SGCZ: variants seen among roughly 807,000 people sequenced by gnomAD.
SGCZ encodes the protein zeta-sarcoglycan.
In SGCZ, 40 loss-of-function variants were observed where a neutral mutation model predicts 41.3. That is an observed-to-expected ratio of 0.97 (90% CI 0.75 to 1.26). The LOEUF is 1.26. SGCZ is among the 50% of genes most tolerant of loss of function. SGCZ has a pLI of 0.00. For missense variants in SGCZ, 552 were observed against 369.8 expected, an observed-to-expected ratio of 1.49 and a Z score of -4.04; for synonymous variants, 206 against 137.5, an observed-to-expected ratio of 1.50 and a Z score of -3.49.
intron 1 of SGCZ, among the ~76,000 whole-genome samples, chr8:14,702,838 TAGATAGATAGATA>T (rs1181056778): frequency 0.032 from 3,216 of 99,994 alleles, 71 homozygotes; most frequent in South Asian, 0.082. Context: ...GATAGATAGA[TAGATAGATAGATA>T]GATAGATAGA....
At chr8:14,309,387 G>A (rs772188800) in intron 3 of SGCZ, 32 of 1,605,426 alleles carry the variant, frequency 2.0e-5, no homozygotes, top group Non-Finnish European at 2.5e-5. Flanking sequence ...CAGCAGAGAC[G>A]AAGTGACCTC....
intron 3 of SGCZ, among the ~76,000 whole-genome samples, chr8:14,239,018 GAA>G (rs202102498): frequency 8.0e-5 from 12 of 149,392 alleles, no homozygotes; most frequent in Non-Finnish European, 1.6e-4. Context: ...AGATTTAAAA[GAA>G]AAAAAAGTCT....
intron 1 of SGCZ, among the ~76,000 whole-genome samples, chr8:15,075,303 G>A (rs1805490854): frequency 6.6e-6 from 1 of 151,992 alleles, no homozygotes; most frequent in African/African-American, 2.4e-5. Flanking sequence ...CAGATTTAGA[G>A]TGAATCTAAA....
chr8:14,441,031 T>A (rs1315453468), intron 2 of SGCZ, among the ~76,000 whole-genome samples: 1 of 152,142 alleles, frequency 6.6e-6, no homozygotes, highest in Non-Finnish European at 1.5e-5. Context: ...GTATGATTTA[T>A]CATTTTTTTC....
intron 4 of SGCZ, among the ~76,000 whole-genome samples, chr8:14,192,773 A>G (rs185589291): frequency 6.6e-6 from 1 of 152,044 alleles, no homozygotes; most frequent in East Asian, 1.9e-4. Context: ...GAAAGTTTTC[A>G]TGGCCACGTT....
intron 1 of SGCZ, among the ~76,000 whole-genome samples, chr8:15,133,420 A>G (rs900310140): frequency 6.6e-6 from 1 of 152,186 alleles, no homozygotes; most frequent in African/African-American, 2.4e-5. Flanking sequence ...TCATGATTTC[A>G]TAGCCCTCAG....
intron 4 of SGCZ, among the ~76,000 whole-genome samples, chr8:14,217,704 A>C (rs553693535): frequency 7.4e-6 from 1 of 134,326 alleles, no homozygotes; most frequent in African/African-American, 2.8e-5. Flanking sequence ...ATCTCGGCTC[A>C]CTGCAACGTC....
intron 1 of SGCZ, among the ~76,000 whole-genome samples, chr8:15,165,878 G>A (rs563430686): frequency 1.3e-5 from 2 of 152,324 alleles, no homozygotes; most frequent in Admixed American, 6.5e-5. Flanking sequence ...TGGTTTTTCT[G>A]TAAATTGAGC....
chr8:14,541,816 T>C (rs1803477553), intron 2 of SGCZ, among the ~76,000 whole-genome samples: 1 of 152,134 alleles, frequency 6.6e-6, no homozygotes, highest in Non-Finnish European at 1.5e-5. Context: ...TTTTTAATGA[T>C]TGTCATTCTA....
intron 1 of SGCZ, among the ~76,000 whole-genome samples, chr8:15,164,026 C>T (rs962720215): frequency 1.3e-5 from 2 of 152,222 alleles, no homozygotes; most frequent in African/African-American, 4.8e-5. Context: ...GGGAAGCGCT[C>T]TAGCAGGGAC....
chr8:14,090,250 C>T lies in SGCZ; in HGVS notation c.*193G>A, dbSNP rs936043718. ...GACGACGCTTTTTCCACTGCTGTGT[C>T]AATCACACCCTCTGTGTTGAGCAGT... On this transcript the variant is annotated 3_prime_UTR_variant, in exon 8 of 8. Coordinates refer to ENST00000382080, the MANE Select transcript of SGCZ (RefSeq NM_139167.4). The T allele has an allele frequency of 1.9e-5, 9 of 465,004 alleles. No homozygotes were observed. Among genetic ancestry groups the T allele is most frequent in the Non-Finnish European group, 3.3e-5 (9 of 274,010 alleles). The allele number at this position is 465,004 out of a possible 1,614,324, so 28.8% of individuals were successfully genotyped here.
rs1408574493 is a variant in SGCZ at position 14,784,913 on chromosome 8, A to AAAAT, written c.40-229988_40-229987insATTT. Among the ~76,000 whole-genome samples the AAAAT allele has an allele frequency of 1.6e-3, 137 of 88,010 alleles. 4 individuals carry two copies. The highest frequency in any genetic ancestry group is 0.012 in the Middle Eastern group (2 of 162). 57.7% of individuals were successfully genotyped at this position (88,010 alleles called of 152,430 possible). A position where few individuals can be genotyped will look rare whatever the true frequency, so the allele number is the denominator to read the frequency against. Reference sequence around the variant, plus strand: ...GTGAAACTCTGCCTCAAAAAAAAAAAATATATATATATATATATATAAAAT... The same window carrying AAAAT: ...GTGAAACTCTGCCTCAAAAAAAAAAAAAATATATATATATATATATATATAAAAT... On this transcript the variant is annotated intron_variant, in intron 1 of 7. Coordinates refer to ENST00000382080, the MANE Select transcript of SGCZ (RefSeq NM_139167.4).
At chr8:15,179,822 C>T (rs1800112901) in intron 1 of SGCZ, among the ~76,000 whole-genome samples, 1 of 152,036 alleles carries the variant, frequency 6.6e-6, no homozygotes, top group Non-Finnish European at 1.5e-5. Context: ...TGATCATTAG[C>T]AGAAGTAAAG....
At chr8:14,320,208 A>C (rs1411605888) in intron 3 of SGCZ, among the ~76,000 whole-genome samples, 1 of 151,704 alleles carries the variant, frequency 6.6e-6, no homozygotes, top group Non-Finnish European at 1.5e-5. Flanking sequence ...CTTTATCTGC[A>C]TTAAAAATGT....
At chr8:15,014,893 AAGC>A (rs907700723) in intron 1 of SGCZ, among the ~76,000 whole-genome samples, 3 of 152,222 alleles carry the variant, frequency 2.0e-5, no homozygotes, top group African/African-American at 7.2e-5. Context: ...AAGCTGGCCC[AAGC>A]AGCCTTCTGT....
intron 1 of SGCZ, among the ~76,000 whole-genome samples, 169 bp downstream of exon 1, chr8:15,237,416 C>G (rs1336727268): frequency 6.6e-6 from 1 of 152,198 alleles, no homozygotes; most frequent in Non-Finnish European, 1.5e-5. Flanking sequence ...CCTCCGTGTC[C>G]TCGGCCCCAG....
At position 14,686,090 on chromosome 8, in the gene SGCZ, CTT is replaced by C. The variant is rs1808601650; in HGVS notation, c.40-131166_40-131165del. Among the ~76,000 whole-genome samples the C allele has an allele frequency of 2.0e-5, 3 of 152,210 alleles. 1 individual carries two copies. In the South Asian group the frequency reaches 6.2e-4, roughly 32 times the overall value. ...TCTCGGGAAGACTTTGCTCTCAAGACTTAACTCACCTCCTATCCAGGTAGTGC... is the reference window on the plus strand; with the variant it reads ...TCTCGGGAAGACTTTGCTCTCAAGACAACTCACCTCCTATCCAGGTAGTGC... On this transcript the variant is annotated intron_variant, in intron 1 of 7. Transcript: ENST00000382080.
chr8:14,581,723 T>C (rs1804895619), intron 1 of SGCZ, among the ~76,000 whole-genome samples: 1 of 152,118 alleles, frequency 6.6e-6, no homozygotes, highest in Non-Finnish European at 1.5e-5. Flanking sequence ...AAACTGTCAA[T>C]TATGGCAGAG....
intron 1 of SGCZ, among the ~76,000 whole-genome samples, chr8:14,895,310 T>C (rs1334988995): frequency 2.0e-5 from 3 of 152,122 alleles, no homozygotes; most frequent in Non-Finnish European, 2.9e-5. Flanking sequence ...ATCTCTTAAA[T>C]GGGGCCAAAA....
Sources: allele counts gnomAD v4.1 joint callset (sites outside exome capture counted in the v4.1 genomes callset), GRCh38; gene constraint gnomAD v4.1.1; transcripts MANE v1.5; gene names NCBI Gene and HGNC (gene_info 2026-07-23, HGNC 2026-07-21).